SFTPA2: variants seen among roughly 807,000 people sequenced by gnomAD.
SFTPA2 encodes the protein surfactant protein A2.
In SFTPA2, 21 loss-of-function variants were observed where a neutral mutation model predicts 20.3. The observed-to-expected ratio is 1.03, with a 90% CI of 0.73 to 1.49. SFTPA2 has a LOEUF of 1.49. SFTPA2 is among the 40% of genes most tolerant of loss of function. The probability of loss-of-function intolerance (pLI) is 0.00; values close to 1 mark genes in which losing one functional copy is unlikely to be tolerated. For missense variants in SFTPA2, 302 were observed against 314.8 expected, an observed-to-expected ratio of 0.96 and a Z score of 0.31; for synonymous variants, 116 against 118.7, an observed-to-expected ratio of 0.98 and a Z score of 0.15.
At position 79,558,074 on chromosome 10, in the gene SFTPA2, A is replaced by T. The variant is rs771441594; in HGVS notation, c.348T>A (p.His116Gln). The change falls in exon 5 of 6, where the codon CAT (histidine) becomes CAA (glutamine). Residue 116 changes from histidine (H) to glutamine (Q), a missense_variant. His to Gln is a conservative substitution (Grantham distance 24). Coordinates refer to ENST00000372325, the MANE Select transcript of SFTPA2 (RefSeq NM_001098668.4). ...TACCTCCCCTTGTCTGCAGGATTTG[A>T]TGTCTGAAGTCGTGGAGTGTGGCTT... ...ELQATLHDFR[H>Q]QILQTRGALS... The T allele has an allele frequency of 6.2e-7, 1 of 1,613,956 alleles. No individual in the cohort carries two copies. The highest frequency in any genetic ancestry group is 2.2e-5 in the East Asian group (1 of 44,838).
Position 79,557,143 on chromosome 10 carries a change from G to A in SFTPA2, c.*66C>T, listed in dbSNP as rs1037034665. On this transcript the variant is annotated 3_prime_UTR_variant, in exon 6 of 6. Transcript: ENST00000372325. ...GGAGTTCTAGCATCTCACAGACCAAGTGGATCCTGGGGATGGAAACTGAAG... is the reference window on the plus strand; with the variant it reads ...GGAGTTCTAGCATCTCACAGACCAAATGGATCCTGGGGATGGAAACTGAAG... 27 of 1,613,726 alleles carry A rather than the reference G, an allele frequency of 1.7e-5. 1 individual carries two copies. The East Asian group carries it at 4.5e-4, about 27-fold the overall frequency.
At chr10:79,559,912 A>C in intron 2 of SFTPA2, 57 bp downstream of exon 2, 1 of 1,374,442 alleles carries the variant, frequency 7.3e-7, no homozygotes, top group South Asian at 1.6e-5. Context: ...GTTAGAAGGA[A>C]GGATGAGGTC....
In SFTPA2 at chr10:79,558,897, C is replaced by G; in HGVS notation, c.281G>C (p.Arg94Thr). ...ERGEKGEAGE[R>T]GPPGLPAHLD... Reference sequence around the variant, plus strand: ...CCCGCCCTGCTCACCTGGAGGGCCTCTCTCGCCAGCCTCCCCCTTCTCTCC... The same window carrying G: ...CCCGCCCTGCTCACCTGGAGGGCCTGTCTCGCCAGCCTCCCCCTTCTCTCC... Residue 94 changes from arginine to threonine, a missense_variant, in exon 4 of 6, where the codon AGA becomes ACA. This residue lies in a region of SFTPA2 where 264 missense variants were observed against 261.7 expected (regional missense o/e 1.01). Coordinates refer to ENST00000372325, the MANE Select transcript of SFTPA2 (RefSeq NM_001098668.4). 6.2e-7 allele frequency: 1 copy of G among 1,614,048 alleles called. No homozygotes were observed. The highest frequency in any genetic ancestry group is 8.5e-7 in the Non-Finnish European group (1 of 1,179,992).
chr10:79,558,328 C>A (rs927650957), intron 4 of SFTPA2, 199 bp from the exon 5 acceptor site: 4 of 843,334 alleles, frequency 4.7e-6, no homozygotes, highest in Non-Finnish European at 5.7e-6. Flanking sequence ...TTTAGTGAAG[C>A]CTTGCCCCTG....
chr10:79,558,699 C>G (rs1858961643), intron 4 of SFTPA2, among the ~76,000 whole-genome samples, 187 bp downstream of exon 4: 1 of 152,196 alleles, frequency 6.6e-6, no homozygotes, highest in South Asian at 2.1e-4. Context: ...ACCTGCCCTT[C>G]TCTGAATTGT....
chr10:79,556,155 T>C lies in SFTPA2; in HGVS notation c.*1054A>G, dbSNP rs1178433569. 6.0e-6 allele frequency: 1 copy of C among 167,338 alleles called. No homozygotes were observed. Among genetic ancestry groups the C allele is most frequent in the Non-Finnish European group, 1.5e-5 (1 of 68,164 alleles). The allele number at this position is 167,338 out of a possible 1,614,324, so 10.4% of individuals were successfully genotyped here. Reference sequence around the variant, plus strand: ...TGGCACATGGTATGTGCTCGGTCAATAGCCTTTGTGTGTAGTAACGGCTCT... The same window carrying C: ...TGGCACATGGTATGTGCTCGGTCAACAGCCTTTGTGTGTAGTAACGGCTCT... On this transcript the variant is annotated 3_prime_UTR_variant, in exon 6 of 6. Coordinates refer to ENST00000372325, the MANE Select transcript of SFTPA2 (RefSeq NM_001098668.4).
Position 79,557,478 on chromosome 10 carries a change from C to T in SFTPA2, c.478G>A (p.Gly160Ser), listed in dbSNP as rs938072016. ...GGATTCCTTGGGACAGCAATGCGGCCGCCTGCTCTGGCACATGCCTCCTGA... is the reference window on the plus strand; with the variant it reads ...GGATTCCTTGGGACAGCAATGCGGCTGCCTGCTCTGGCACATGCCTCCTGA... ...AIQEACARAG[G>S]RIAVPRNPEE... The change falls in exon 6 of 6, where the codon GGC (glycine) becomes AGC (serine). Residue 160 changes from glycine (G) to serine (S), a missense_variant. By Grantham distance (56) the Gly-to-Ser change is moderately conservative (BLOSUM62 0). Around this residue, in one of 3 missense-constraint regions of SFTPA2, gnomAD observed 264 missense variants for 261.7 expected, o/e 1.01. Coordinates refer to ENST00000372325, the MANE Select transcript of SFTPA2 (RefSeq NM_001098668.4). The T allele has an allele frequency of 2.4e-5, 39 of 1,613,456 alleles. No individual in the cohort carries two copies. Among genetic ancestry groups the T allele is most frequent in the Non-Finnish European group, 3.1e-5 (36 of 1,179,718 alleles).
Position 79,557,529 on chromosome 10 carries a change from C to T in SFTPA2, c.427G>A (p.Gly143Arg), listed in dbSNP as rs1165130216. The change falls in exon 6 of 6, where the codon GGG becomes AGG. Residue 143 changes from glycine (G) to arginine (R), a missense_variant. By Grantham distance (125) the Gly-to-Arg change is moderately radical (BLOSUM62 -2). Transcript: ENST00000372325. The stretch of plus-strand genomic sequence containing the variant: ...ATGGCATCAAAAGTGATGGACTGCC[C>T]ATTGCTGGAGAAGACCTTCTCTCCT... ...TVGEKVFSSN[G>R]QSITFDAIQE... The T allele has an allele frequency of 1.9e-6, 3 of 1,613,178 alleles. No individual in the cohort carries two copies. The East Asian group carries it at 6.7e-5, about 36-fold the overall frequency.
chr10:79,557,630 C>T, intron 5 of SFTPA2, 45 bp from the exon 6 acceptor site: 1 of 1,605,308 alleles, frequency 6.2e-7, no homozygotes, highest in African/African-American at 1.3e-5. Context: ...CACTTTGTCT[C>T]TAAGCCACCT....
Position 79,556,730 on chromosome 10 carries a change from C to A in SFTPA2, c.*479G>T. ...TGTCCTTAGCTCCACACAGTCAGGG[C>A]TTCCCTGAAATCTGCCTCTCTCTGT... On this transcript the variant is annotated 3_prime_UTR_variant, in exon 6 of 6. Coordinates refer to ENST00000372325, the MANE Select transcript of SFTPA2 (RefSeq NM_001098668.4). 4.2e-6 allele frequency: 1 copy of A among 238,772 alleles called. No homozygotes were observed. The highest frequency in any genetic ancestry group is 8.1e-6 in the Non-Finnish European group (1 of 122,820). 14.8% of individuals were successfully genotyped at this position (238,772 alleles called of 1,614,324 possible).
intron 2 of SFTPA2, 34 bp downstream of exon 2, chr10:79,559,935 A>T: frequency 7.4e-7 from 1 of 1,349,484 alleles, no homozygotes; most frequent in Non-Finnish European, 9.5e-7. Flanking sequence ...TCACTCACTG[A>T]CTCACTCCAT....
Position 79,559,427 on chromosome 10 carries a change from C to T in SFTPA2, c.57G>A (p.Ala19=), listed in dbSNP as rs149951388. 2.7e-5 allele frequency: 44 copies of T among 1,613,684 alleles called. 1 individual carries two copies. Among genetic ancestry groups the T allele is most frequent in the South Asian group, 1.8e-4 (16 of 91,048 alleles). ...TLILMAASGA[A]CEVKDVCVGS... ...CAACACAAACGTCCTTCACTTCGCA[C>T]GCAGCACCAGAGGCTGCCATCAAGA... Residue 19 remains alanine (A), a synonymous_variant, in exon 3 of 6, where the codon GCG becomes GCA. Transcript: ENST00000372325.
At chr10:79,559,657 C>G (rs761222165) in intron 2 of SFTPA2, 151 bp from the exon 3 acceptor site, 32 of 1,558,302 alleles carry the variant, frequency 2.1e-5, no homozygotes, top group Non-Finnish European at 5.2e-6. Flanking sequence ...CGGGAAAATT[C>G]CAAGCATCAC....
rs1052757852 is a variant in SFTPA2, at chr10:79,559,599, G to A, written c.-23-93C>T. Reference sequence around the variant, plus strand: ...GGACTCAGGAAGCTGGGCAGAGCCCGAGAGGCAGGGCGGGCGAGACCAGAG... The same window carrying A: ...GGACTCAGGAAGCTGGGCAGAGCCCAAGAGGCAGGGCGGGCGAGACCAGAG... On this transcript the variant is annotated intron_variant, in intron 2 of 5. Transcript: ENST00000372325. 1.2e-5 allele frequency: 19 copies of A among 1,594,762 alleles called. No individual in the cohort carries two copies. The East Asian group carries it at 1.6e-4, about 13-fold the overall frequency.
At chr10:79,560,066 G>A in intron 1 of SFTPA2, 68 bp from the exon 2 acceptor site, 1 of 1,042,082 alleles carries the variant, frequency 9.6e-7, no homozygotes, top group Non-Finnish European at 1.2e-6. Flanking sequence ...GGGGGGTGAT[G>A]ACCCTCTCAC....
At position 79,557,130 on chromosome 10, in the gene SFTPA2, T is replaced by A. The variant is rs938070954; in HGVS notation, c.*79A>T. Reference sequence around the variant, plus strand: ...ATTCTGTTGAAAGGGAGTTCTAGCATCTCACAGACCAAGTGGATCCTGGGG... The same window carrying A: ...ATTCTGTTGAAAGGGAGTTCTAGCAACTCACAGACCAAGTGGATCCTGGGG... On this transcript the variant is annotated 3_prime_UTR_variant, in exon 6 of 6. Transcript: ENST00000372325. The A allele has an allele frequency of 6.2e-7, 1 of 1,611,696 alleles. No homozygotes were observed. Among genetic ancestry groups the A allele is most frequent in the Admixed American group, 1.7e-5 (1 of 59,864 alleles).
At chr10:79,558,325 A>C in intron 4 of SFTPA2, 196 bp from the exon 5 acceptor site, 4 of 869,664 alleles carry the variant, frequency 4.6e-6, no homozygotes, top group Non-Finnish European at 5.5e-6. Flanking sequence ...TTCTTTAGTG[A>C]AGCCTTGCCC....
rs1859040599 is a variant in SFTPA2, at chr10:79,559,375, C to T, written c.109G>A (p.Gly37Arg). ...VGSPGIPGTPGSHGLPGRDGR... is the reference protein window; with the variant it reads ...VGSPGIPGTPRSHGLPGRDGR... ...TCCCTGCCTGGCAGGCCGTGGGATC[C>T]AGGAGTGCCGGGGATACCAGGGCTT... is the stretch of plus-strand genomic sequence containing the variant. Residue 37 changes from glycine to arginine, a missense_variant, in exon 3 of 6, where the codon GGA becomes AGA. Around this residue, in one of 3 missense-constraint regions of SFTPA2, gnomAD observed 7 missense variants for 23.4 expected, o/e 0.30. Transcript: ENST00000372325. The T allele has an allele frequency of 6.2e-7, 1 of 1,613,664 alleles. No individual in the cohort carries two copies. The highest frequency in any genetic ancestry group is 8.5e-7 in the Non-Finnish European group (1 of 1,179,828).
At position 79,558,992 on chromosome 10, in the gene SFTPA2, C is replaced by G. The variant is rs2434114; in HGVS notation, c.186G>C (p.Pro62=). Residue 62 remains proline (P), a synonymous_variant, in exon 4 of 6, where the codon CCG becomes CCC. Coordinates refer to ENST00000372325, the MANE Select transcript of SFTPA2 (RefSeq NM_001098668.4). ...GDPGPPGPMG[P]PGETPCPPGN... ...CAGGAGGACATGGTGTTTCTCCAGGCGGACCCATGGGGCCTGCAGAGAAAA... is the reference window on the plus strand; with the variant it reads ...CAGGAGGACATGGTGTTTCTCCAGGGGGACCCATGGGGCCTGCAGAGAAAA... The G allele has an allele frequency of 3.1e-6, 5 of 1,613,926 alleles. No homozygotes were observed. In the Admixed American group the frequency reaches 6.7e-5, roughly 22 times the overall value.
Sources: gnomAD v4.1 joint callset for allele counts (sites outside exome capture counted in the v4.1 genomes callset) on GRCh38, gnomAD v4.1.1 for gene constraint, gnomAD v4.1.1 regional missense constraint, MANE v1.5 for transcripts, NCBI Gene and HGNC (gene_info 2026-07-23, HGNC 2026-07-21) for gene names.